ARHGAP11B: variants seen among roughly 807,000 people sequenced by gnomAD.
The protein encoded by ARHGAP11B is inactive Rho GTPase-activating protein 11B.
In ARHGAP11B, 14 loss-of-function variants were observed where a neutral mutation model predicts 27.6. The ratio of observed to expected loss-of-function variants is 0.51; its 90% CI spans 0.34 to 0.79. The LOEUF (loss-of-function observed/expected upper bound fraction) is 0.79. ARHGAP11B is among the 30% of genes least tolerant of loss of function. The probability of loss-of-function intolerance (pLI) is 0.02; values close to 1 mark genes in which losing one functional copy is unlikely to be tolerated. For missense variants in ARHGAP11B, 245 were observed against 320.1 expected (o/e 0.77, Z 1.79); for synonymous variants, 82 against 114.1 (o/e 0.72, Z 1.80).
chr15:30,634,265 C>T (rs1209757494), exon 4 of ARHGAP11B: 1 of 1,612,800 alleles, frequency 6.2e-7, no homozygotes, highest in East Asian at 2.2e-5. Context: ...TGCCAGAGCC[C>T]ATTCTCCCAG....
intron 2 of ARHGAP11B, among the ~76,000 whole-genome samples, chr15:30,632,438 A>C (rs1274936644): frequency 6.6e-6 from 1 of 151,776 alleles, no homozygotes; most frequent in Non-Finnish European, 1.5e-5. Flanking sequence ...AAAAAAAAAA[A>C]GCAGATTTTC....
chr15:30,635,608 G>A, exon 6 of ARHGAP11B: 1 of 1,613,558 alleles, frequency 6.2e-7, no homozygotes, highest in Middle Eastern at 1.7e-4. Context: ...GTGAATATAA[G>A]AGAAAGAGAA....
chr15:30,635,235 C>G, intron 5 of ARHGAP11B, 47 bp downstream of exon 5: 1 of 1,600,444 alleles, frequency 6.2e-7, no homozygotes, highest in African/African-American at 1.3e-5. Context: ...GATTATGCAT[C>G]AGATATTGGT....
intron 6 of ARHGAP11B, among the ~76,000 whole-genome samples, chr15:30,636,866 C>G (rs566370800): frequency 2.0e-5 from 3 of 152,172 alleles, no homozygotes; most frequent in Non-Finnish European, 4.4e-5. Flanking sequence ...TTCCCTCTTA[C>G]AGGGCACATT....
chr15:30,626,942 A>G, exon 1 of ARHGAP11B: 1 of 1,613,274 alleles, frequency 6.2e-7, no homozygotes, highest in East Asian at 2.2e-5. Context: ...GCAGCCACGG[A>G]AATAGGGGTA....
intron 2 of ARHGAP11B, among the ~76,000 whole-genome samples, chr15:30,631,539 A>G (rs1171437238): frequency 6.6e-6 from 1 of 151,760 alleles, no homozygotes; most frequent in Non-Finnish European, 1.5e-5. Context: ...GGTGGTGTAC[A>G]CCCCTGTAGT....
Position 30,647,180 on chromosome 15 carries a change from A to T in ARHGAP11B, c.*325-488A>T, listed in dbSNP as rs1046861616. On this transcript the variant is annotated intron_variant, in intron 9 of 10. Coordinates refer to ENST00000428041, the Ensembl canonical transcript of ARHGAP11B. ...CCTCTGGGAATATTACGTTTTGGAC[A>T]ATCTTGGTCCATTGGTAAGCTTATG... 1.3e-5 allele frequency among the ~76,000 whole-genome samples: 2 copies of T among 151,826 alleles called. 1 individual carries two copies. Among genetic ancestry groups the T allele is most frequent in the Non-Finnish European group, 2.9e-5 (2 of 67,952 alleles).
chr15:30,628,426 G>A (rs1384322894), intron 1 of ARHGAP11B, among the ~76,000 whole-genome samples: 3 of 152,028 alleles, frequency 2.0e-5, no homozygotes, highest in African/African-American at 7.2e-5. Flanking sequence ...TTCAGAGTCG[G>A]ATAGACCTGA....
At chr15:30,640,128 C>T (rs1390796700) in intron 7 of ARHGAP11B, among the ~76,000 whole-genome samples, 2 of 138,252 alleles carry the variant, frequency 1.4e-5, no homozygotes, top group African/African-American at 5.4e-5. Flanking sequence ...GCTATAGTTA[C>T]ATCTGGGTCT....
chr15:30,639,822 A>G (rs1352413277), intron 7 of ARHGAP11B, among the ~76,000 whole-genome samples: 1 of 152,004 alleles, frequency 6.6e-6, no homozygotes, highest in Non-Finnish European at 1.5e-5. Flanking sequence ...AATGGATTGT[A>G]AAGATTAAAA....
intron 7 of ARHGAP11B, among the ~76,000 whole-genome samples, chr15:30,642,058 G>A (rs2060319116): frequency 6.6e-6 from 1 of 151,982 alleles, no homozygotes; most frequent in South Asian, 2.1e-4. Context: ...CTAGAATAAA[G>A]CTACTTATGA....
In ARHGAP11B at chr15:30,635,379, T is replaced by A. The variant is rs974049026; in HGVS notation, c.661-108T>A. The A allele has an allele frequency of 3.3e-5, 48 of 1,469,046 alleles. 2 individuals are homozygous for A. Among genetic ancestry groups the A allele is most frequent in the Non-Finnish European group, 4.4e-5 (48 of 1,087,408 alleles). The allele number at this position is 1,469,046 out of a possible 1,614,324, so 91.0% of individuals were successfully genotyped here. On this transcript the variant is annotated intron_variant, in intron 5 of 10. Transcript: ENST00000428041. ...ACCCCCACCCTACAGTACCGGCCCC[T>A]CCTGCAAAGAAAAAAAGAAAAGAAA...
intron 6 of ARHGAP11B, among the ~76,000 whole-genome samples, chr15:30,636,819 G>C (rs1336898771): frequency 1.3e-5 from 2 of 152,092 alleles, no homozygotes; most frequent in Non-Finnish European, 2.9e-5. Flanking sequence ...TCCAATCCCT[G>C]CCTATGTCAT....
Position 30,648,247 on chromosome 15 carries a change from T to C in ARHGAP11B, c.*372-57T>C, listed in dbSNP as rs574187491. Among the ~76,000 whole-genome samples, 9 of 152,200 alleles carry C rather than the reference T, an allele frequency of 5.9e-5. 1 individual carries two copies. In the South Asian group the frequency reaches 1.9e-3, roughly 32 times the overall value. On this transcript the variant is annotated intron_variant, in intron 10 of 10. Coordinates refer to ENST00000428041, the Ensembl canonical transcript of ARHGAP11B. Reference sequence around the variant, plus strand: ...CTTCCCTATGATTTTATTTATAAGCTAATGAGATTATGATTTATAAACTCC... The same window carrying C: ...CTTCCCTATGATTTTATTTATAAGCCAATGAGATTATGATTTATAAACTCC...
At chr15:30,638,200 A>G (rs2060293473) in intron 6 of ARHGAP11B, among the ~76,000 whole-genome samples, 1 of 151,598 alleles carries the variant, frequency 6.6e-6, no homozygotes, top group South Asian at 2.1e-4. Flanking sequence ...GGTAATAGGG[A>G]TATTTATAGC....
At chr15:30,628,458 T>TACTA (rs905451772) in intron 1 of ARHGAP11B, among the ~76,000 whole-genome samples, 1 of 152,058 alleles carries the variant, frequency 6.6e-6, no homozygotes, top group Non-Finnish European at 1.5e-5. Context: ...GTTCCACCCC[T>TACTA]ACTACATCTG....
In ARHGAP11B at chr15:30,633,604, C is replaced by T. The variant is rs753080377; in HGVS notation, c.297+18C>T. 4.4e-6 allele frequency: 7 copies of T among 1,592,518 alleles called. No homozygotes were observed. The South Asian group carries it at 6.9e-5, about 16-fold the overall frequency. Reference sequence around the variant, plus strand: ...CACTAAAGGTGAGCATATTGTTGAACTATAATTTTTCATTTGAGCCATTTT... The same window carrying T: ...CACTAAAGGTGAGCATATTGTTGAATTATAATTTTTCATTTGAGCCATTTT... On this transcript the variant is annotated intron_variant, in intron 3 of 10. Transcript: ENST00000428041.
At chr15:30,635,048 G>T (rs773832736) in intron 4 of ARHGAP11B, 32 bp from the exon 5 acceptor site, 2 of 1,604,098 alleles carry the variant, frequency 1.2e-6, no homozygotes, top group Admixed American at 1.7e-5. Context: ...TTCACGTTTG[G>T]CTCCATCTAA....
Position 30,628,143 on chromosome 15 carries a change from C to T in ARHGAP11B, c.129+1194C>T, listed in dbSNP as rs549880520. Among the ~76,000 whole-genome samples, 339 of 150,542 alleles carry T rather than the reference C, an allele frequency of 2.3e-3. 5 individuals are homozygous for T. Among genetic ancestry groups the T allele is most frequent in the African/African-American group, 7.9e-3 (322 of 40,928 alleles). On this transcript the variant is annotated intron_variant, in intron 1 of 10. Coordinates refer to ENST00000428041, the Ensembl canonical transcript of ARHGAP11B. ...TCGCCCAGGCTGGAGTGCAGTGGCG[C>T]GATCTTGGCTCACTGCAAGCTCCGC...
Sources: gnomAD v4.1 joint callset for allele counts (sites outside exome capture counted in the v4.1 genomes callset) on GRCh38, gnomAD v4.1.1 for gene constraint, MANE v1.5 for transcripts, NCBI Gene and HGNC (gene_info 2026-07-23, HGNC 2026-07-21) for gene names.